The following GPR176 variants were observed in gnomAD, a reference collection of about 807,000 sequenced individuals.
GPR176 encodes the protein G-protein coupled receptor 176.
Under a neutral mutation model 35.4 loss-of-function variants are expected in GPR176, and 26 were observed. The ratio of observed to expected loss-of-function variants is 0.74; its 90% CI spans 0.54 to 1.02. The LOEUF is 1.02. Among genes scored for constraint, GPR176 ranks in the 50% least tolerant of loss-of-function variants. GPR176 has a pLI of 0.00. For synonymous variants in GPR176, 278 were observed against 271.3 expected (o/e 1.02, Z -0.24); for missense variants, 597 against 665.3 (o/e 0.90, Z 1.13).
At chr15:39,853,896 C>G (rs776690319) in intron 1 of GPR176, among the ~76,000 whole-genome samples, 2 of 151,992 alleles carry the variant, frequency 1.3e-5, no homozygotes, top group Non-Finnish European at 2.9e-5. Flanking sequence ...TAGCTCAGAG[C>G]CTTAAAAATG....
intron 1 of GPR176, among the ~76,000 whole-genome samples, chr15:39,869,460 T>C (rs1256013648): frequency 6.6e-6 from 1 of 152,132 alleles, no homozygotes; most frequent in Non-Finnish European, 1.5e-5. Flanking sequence ...CGGGCAGGTG[T>C]CTCAGCTCCC....
intron 1 of GPR176, among the ~76,000 whole-genome samples, chr15:39,858,500 G>A (rs1210114340): frequency 6.6e-6 from 1 of 152,094 alleles, no homozygotes; most frequent in Non-Finnish European, 1.5e-5. Context: ...AGAATCACTT[G>A]AGGCCAGGAA....
chr15:39,910,906 C>A, intron 1 of GPR176, among the ~76,000 whole-genome samples: 1 of 151,906 alleles, frequency 6.6e-6, no homozygotes, highest in East Asian at 1.9e-4. Context: ...GGCGTGGTGG[C>A]ATGCACCTGT....
At chr15:39,917,144 G>T (rs757811707) in intron 1 of GPR176, among the ~76,000 whole-genome samples, 2 of 151,908 alleles carry the variant, frequency 1.3e-5, no homozygotes, top group Admixed American at 6.6e-5. Flanking sequence ...TTAGCCAGGC[G>T]TGGTGGCGGG....
chr15:39,916,996 C>T (rs918296153), intron 1 of GPR176, among the ~76,000 whole-genome samples: 1 of 152,122 alleles, frequency 6.6e-6, no homozygotes. Context: ...AATACCAGTA[C>T]GTAGGCAGGG....
At chr15:39,835,871 G>A (rs1901370464) in intron 1 of GPR176, among the ~76,000 whole-genome samples, 1 of 152,154 alleles carries the variant, frequency 6.6e-6, no homozygotes, top group Non-Finnish European at 1.5e-5. Context: ...CAGGAGGGCA[G>A]ATCACTTGAG....
intron 1 of GPR176, chr15:39,909,896 C>T: frequency 1.0e-6 from 1 of 980,326 alleles, no homozygotes; most frequent in Non-Finnish European, 1.2e-6. Flanking sequence ...ATTTGGCAAG[C>T]TAGTCCTTTT....
intron 1 of GPR176, among the ~76,000 whole-genome samples, chr15:39,820,185 G>T (rs1900175823): frequency 1.3e-5 from 2 of 152,306 alleles, no homozygotes; most frequent in Non-Finnish European, 2.9e-5. Context: ...TGTTTGCGCA[G>T]TGAGGAGCTG....
At chr15:39,808,136 G>A (rs924569319) in intron 1 of GPR176, among the ~76,000 whole-genome samples, 12 of 152,080 alleles carry the variant, frequency 7.9e-5, no homozygotes, top group Non-Finnish European at 1.5e-4. Flanking sequence ...CTCTCCCTAC[G>A]TTAGACTACC....
chr15:39,892,496 C>T (rs1193720978), intron 1 of GPR176, among the ~76,000 whole-genome samples: 1 of 152,202 alleles, frequency 6.6e-6, no homozygotes, highest in African/African-American at 2.4e-5. Flanking sequence ...GTAATAACCC[C>T]TCCTCTACCT....
At chr15:39,807,318 G>A in intron 1 of GPR176, 60 bp from the exon 2 acceptor site, 2 of 1,147,918 alleles carry the variant, frequency 1.7e-6, no homozygotes, top group Non-Finnish European at 2.3e-6. Context: ...CTAAAAAAAG[G>A]AAAAAAGTAC....
chr15:39,859,372 G>C (rs1460035943), intron 1 of GPR176, among the ~76,000 whole-genome samples: 1 of 151,668 alleles, frequency 6.6e-6, no homozygotes, highest in South Asian at 2.1e-4. Flanking sequence ...TTTCTCCAAA[G>C]AGGATATACA....
intron 1 of GPR176, among the ~76,000 whole-genome samples, chr15:39,895,329 T>C (rs572619123): frequency 1.5e-4 from 22 of 149,438 alleles, no homozygotes; most frequent in Middle Eastern, 7.0e-3. Context: ...TCTAACTCAC[T>C]TGCTTCTCCC....
chr15:39,881,438 A>G (rs774200637), intron 1 of GPR176, among the ~76,000 whole-genome samples: 13 of 152,208 alleles, frequency 8.5e-5, no homozygotes, highest in Non-Finnish European at 1.9e-4. Context: ...CAGGCAATCA[A>G]TCGGTCAAGT....
At chr15:39,909,555 C>T (rs1409265724) in intron 1 of GPR176, among the ~76,000 whole-genome samples, 1 of 152,226 alleles carries the variant, frequency 6.6e-6, no homozygotes, top group East Asian at 1.9e-4. Flanking sequence ...TTACACCCTA[C>T]AGCCAGAAGA....
At chr15:39,862,277 G>A (rs575924635) in intron 1 of GPR176, 3 of 152,284 alleles carry the variant, frequency 2.0e-5, no homozygotes, top group African/African-American at 7.2e-5. Context: ...TAAAAAGCTT[G>A]AGCTTACCTG....
chr15:39,894,210 G>A (rs866478328), intron 1 of GPR176, among the ~76,000 whole-genome samples: 369 of 120,432 alleles, frequency 3.1e-3, no homozygotes, highest in African/African-American at 8.1e-3. Context: ...AGGGGTGGCC[G>A]GGCAGAGGCG....
At position 39,887,431 on chromosome 15, in the gene GPR176, C is replaced by A. The variant is rs146009313; in HGVS notation, c.172+32424G>T. ...GTGAATGGCCCACCACCCACATTTG[C>A]TGGAATGCCGCTGTGTAAAACAGCA... On this transcript the variant is annotated intron_variant, in intron 1 of 2. Coordinates refer to ENST00000561100, the MANE Select transcript of GPR176 (RefSeq NM_007223.3). Among the ~76,000 whole-genome samples the A allele has an allele frequency of 7.9e-5, 12 of 152,286 alleles. No homozygotes were observed. The East Asian group carries it at 2.3e-3, about 29-fold the overall frequency.
intron 1 of GPR176, among the ~76,000 whole-genome samples, chr15:39,896,120 T>A (rs989839813): frequency 2.6e-5 from 4 of 152,168 alleles, no homozygotes; most frequent in Non-Finnish European, 5.9e-5. Flanking sequence ...AGTGGCATGA[T>A]CGTAGCTCAC....
Sources: gnomAD v4.1 joint callset for allele counts (sites outside exome capture counted in the v4.1 genomes callset) on GRCh38, gnomAD v4.1.1 for gene constraint, MANE v1.5 for transcripts, NCBI Gene and HGNC (gene_info 2026-07-23, HGNC 2026-07-21) for gene names.